KCNH7: variants seen among roughly 807,000 people sequenced by gnomAD.
KCNH7 encodes the protein potassium voltage-gated channel subfamily H member 7, also known as voltage-gated inwardly rectifying potassium channel KCNH7.
A neutral mutation model predicts 120.8 loss-of-function variants in KCNH7; 49 were observed. The ratio of observed to expected loss-of-function variants is 0.41; its 90% CI spans 0.32 to 0.51. The LOEUF is 0.51. KCNH7 is among the 20% of genes least tolerant of loss of function. The probability of loss-of-function intolerance (pLI) is 0.38; values close to 1 mark genes in which losing one functional copy is unlikely to be tolerated. For missense variants in KCNH7, 1,097 were observed against 1,446.6 expected (o/e 0.76, Z 3.92); for synonymous variants, 547 against 516.1 (o/e 1.06, Z -0.81).
chr2:162,405,766 T>C (rs1013994329), intron 9 of KCNH7, among the ~76,000 whole-genome samples: 1 of 151,966 alleles, frequency 6.6e-6, no homozygotes, highest in East Asian at 1.9e-4. Context: ...TTTAAACTTA[T>C]ACATTTATAC....
chr2:162,805,136 G>A (rs1684495598), intron 2 of KCNH7, among the ~76,000 whole-genome samples: 2 of 151,386 alleles, frequency 1.3e-5, no homozygotes, highest in East Asian at 1.9e-4. Flanking sequence ...AAATTATAGA[G>A]GACAACCCTG....
intron 8 of KCNH7, among the ~76,000 whole-genome samples, chr2:162,425,138 G>A (rs970652042): frequency 2.6e-5 from 4 of 152,064 alleles, no homozygotes; most frequent in South Asian, 2.1e-4. Flanking sequence ...TTGGACTTGC[G>A]CTCCGACTCA....
At chr2:162,469,783 T>A (rs575585820) in intron 6 of KCNH7, among the ~76,000 whole-genome samples, 2 of 149,850 alleles carry the variant, frequency 1.3e-5, no homozygotes, top group South Asian at 2.2e-4. Context: ...GCTGCCGCCA[T>A]CTCGGCTCAC....
chr2:162,636,839 C>T (rs1050809282), intron 2 of KCNH7, among the ~76,000 whole-genome samples: 3 of 152,076 alleles, frequency 2.0e-5, no homozygotes, highest in East Asian at 1.9e-4. Context: ...GCAAGGCTAG[C>T]CTGATACATT....
intron 3 of KCNH7, among the ~76,000 whole-genome samples, chr2:162,531,831 T>A (rs1691935267): frequency 6.6e-6 from 1 of 151,952 alleles, no homozygotes; most frequent in African/African-American, 2.4e-5. Flanking sequence ...TAAGGAAAAA[T>A]TGCTATTAAG....
At chr2:162,506,334 C>T (rs1333494388) in intron 5 of KCNH7, among the ~76,000 whole-genome samples, 1 of 151,806 alleles carries the variant, frequency 6.6e-6, no homozygotes, top group East Asian at 1.9e-4. Flanking sequence ...GTCTCCAGCC[C>T]ACATCACTAA....
chr2:162,632,134 C>T (rs1031001363), intron 2 of KCNH7, among the ~76,000 whole-genome samples: 3 of 151,922 alleles, frequency 2.0e-5, no homozygotes, highest in African/African-American at 7.2e-5. Context: ...CCACATTAAT[C>T]AACTGAAAAC....
chr2:162,768,884 C>G (rs1032062829), intron 2 of KCNH7: 3 of 152,138 alleles, frequency 2.0e-5, no homozygotes, highest in African/African-American at 7.2e-5. Flanking sequence ...AAAGGGAGAG[C>G]TTTTCCACAG....
intron 6 of KCNH7, among the ~76,000 whole-genome samples, chr2:162,450,691 C>A (rs1354074943): frequency 1.3e-5 from 2 of 151,878 alleles, no homozygotes; most frequent in Non-Finnish European, 2.9e-5. Flanking sequence ...GAGAACATTT[C>A]TTTCTATGGA....
At chr2:162,782,484 G>A (rs1683536918) in intron 2 of KCNH7, among the ~76,000 whole-genome samples, 1 of 152,150 alleles carries the variant, frequency 6.6e-6, no homozygotes, top group African/African-American at 2.4e-5. Context: ...GAGCATGTCT[G>A]ACATTTTCAA....
chr2:162,810,180 GCTGGGA>G lies in KCNH7; in HGVS notation c.307+26351_307+26356del, dbSNP rs1414533037. Among the ~76,000 whole-genome samples the G allele has an allele frequency of 2.5e-4, 5 of 20,222 alleles. 1 individual carries two copies. Among genetic ancestry groups the G allele is most frequent in the East Asian group, 1.2e-3 (1 of 838 alleles). 13.3% of individuals were successfully genotyped at this position (20,222 alleles called of 152,430 possible). A position where few individuals can be genotyped will look rare whatever the true frequency, so the allele number is the denominator to read the frequency against. ...TCCGCCCGCCTCGGCCTCCCAAAGT[GCTGGGA>G]TTACAGGCGTGAGCCACCGCGCCCG... is the stretch of plus-strand genomic sequence containing the variant. On this transcript the variant is annotated intron_variant, in intron 2 of 15. Coordinates refer to ENST00000332142, the MANE Select transcript of KCNH7 (RefSeq NM_033272.4).
At chr2:162,635,964 C>A (rs923947758) in intron 2 of KCNH7, among the ~76,000 whole-genome samples, 2 of 151,998 alleles carry the variant, frequency 1.3e-5, no homozygotes, top group Non-Finnish European at 2.9e-5. Context: ...TTCTTTTTCT[C>A]ACTTTACGAA....
intron 9 of KCNH7, among the ~76,000 whole-genome samples, chr2:162,406,201 TC>T (rs1687213304): frequency 6.6e-6 from 1 of 151,916 alleles, no homozygotes; most frequent in Admixed American, 6.6e-5. Context: ...TTGAGCTGGT[TC>T]CTTTTTTTTT....
chr2:162,773,900 A>G (rs1683148484), intron 2 of KCNH7, among the ~76,000 whole-genome samples: 1 of 152,172 alleles, frequency 6.6e-6, no homozygotes, highest in African/African-American at 2.4e-5. Flanking sequence ...AACACAAAAA[A>G]TATTTTTATC....
At position 162,518,042 on chromosome 2, in the gene KCNH7, AATC is replaced by A; in HGVS notation, c.577_579del (p.Asp193del). ...GACTTAAAATGCTTCATGGCTACTG[AATC>A]ATCACTGTGTTTAGATGAATCGATG... On this transcript the variant is annotated inframe_deletion, in exon 4 of 16. Coordinates refer to ENST00000332142, the MANE Select transcript of KCNH7 (RefSeq NM_033272.4). 3.1e-6 allele frequency: 5 copies of A among 1,612,516 alleles called. No individual in the cohort carries two copies. Among genetic ancestry groups the A allele is most frequent in the Non-Finnish European group, 4.2e-6 (5 of 1,178,938 alleles).
intron 2 of KCNH7, among the ~76,000 whole-genome samples, chr2:162,637,826 A>G (rs1418381116): frequency 6.6e-6 from 1 of 152,086 alleles, no homozygotes; most frequent in East Asian, 1.9e-4. Flanking sequence ...CCAGACATTA[A>G]CATGCTGGTT....
chr2:162,624,802 T>TGC lies in KCNH7; in HGVS notation c.308-87723_308-87722insGC, dbSNP rs879595963. Among the ~76,000 whole-genome samples, 690 of 152,042 alleles carry TGC rather than the reference T, an allele frequency of 4.5e-3. 7 individuals are homozygous for TGC. The highest frequency in any genetic ancestry group is 0.016 in the African/African-American group (659 of 41,488). On this transcript the variant is annotated intron_variant, in intron 2 of 15. Transcript: ENST00000332142. ...TCCTAACCTCTAACCTCTAATTCCA[T>TGC]TGGCAGCTGAGCAATGATTCATATT...
At chr2:162,530,000 TA>T (rs1385032221) in intron 3 of KCNH7, among the ~76,000 whole-genome samples, 3 of 151,944 alleles carry the variant, frequency 2.0e-5, no homozygotes, top group Admixed American at 6.6e-5. Flanking sequence ...TCAGGGGACA[TA>T]AGTCATCTAA....
chr2:162,397,349 C>A (rs1339472588), intron 10 of KCNH7, among the ~76,000 whole-genome samples: 1 of 151,710 alleles, frequency 6.6e-6, no homozygotes, highest in Non-Finnish European at 1.5e-5. Flanking sequence ...TCGGGATGGT[C>A]TCTGCAGGTG....
Sources: gnomAD v4.1 joint callset for allele counts (sites outside exome capture counted in the v4.1 genomes callset) on GRCh38, gnomAD v4.1.1 for gene constraint, MANE v1.5 for transcripts, NCBI Gene and HGNC (gene_info 2026-07-23, HGNC 2026-07-21) for gene names.